BPHL: variants seen among roughly 807,000 people sequenced by gnomAD.
BPHL encodes biphenyl hydrolase like, also known as serine hydrolase BPHL.
BPHL carries 27 observed loss-of-function variants against 31.2 expected under a neutral mutation model. The ratio of observed to expected loss-of-function variants is 0.87; its 90% CI spans 0.64 to 1.19. BPHL has a LOEUF of 1.19. Among genes scored for constraint, BPHL ranks in the 50% most tolerant of loss-of-function variants. BPHL has a pLI of 0.00. For missense variants in BPHL, 356 were observed against 375.7 expected (o/e 0.95, Z 0.43); for synonymous variants, 150 against 146.8 (o/e 1.02, Z -0.16).
At chr6:3,146,306 GT>G (rs1257845923) in intron 6 of BPHL, among the ~76,000 whole-genome samples, 933 of 61,336 alleles carry the variant, frequency 0.015, 85 homozygotes, top group African/African-American at 0.029. Flanking sequence ...GCTGGTTCGG[GT>G]TGGAGTGCTG....
At position 3,153,520 on chromosome 6, in the gene BPHL, C is replaced by A; in HGVS notation, c.*945C>A. ...AGGACAGGAATGTTATTAATTAAAA[C>A]ACTAAAGCAGAAATCCTACATTGCT... On this transcript the variant is annotated 3_prime_UTR_variant, in exon 7 of 7. Coordinates refer to ENST00000380379, the MANE Select transcript of BPHL (RefSeq NM_004332.4). The A allele has an allele frequency of 2.5e-6, 1 of 403,238 alleles. No individual in the cohort carries two copies. The highest frequency in any genetic ancestry group is 4.5e-6 in the Non-Finnish European group (1 of 221,946). 25.0% of individuals were successfully genotyped at this position (403,238 alleles called of 1,614,324 possible).
intron 4 of BPHL, among the ~76,000 whole-genome samples, chr6:3,133,745 C>T (rs1008209655): frequency 7.2e-5 from 11 of 152,232 alleles, no homozygotes; most frequent in Admixed American, 3.3e-4. Flanking sequence ...GTGTCCACTG[C>T]CCGTGTGAGC....
chr6:3,144,877 G>A (rs1762283058), intron 6 of BPHL, among the ~76,000 whole-genome samples: 2 of 152,230 alleles, frequency 1.3e-5, no homozygotes, highest in African/African-American at 4.8e-5. Flanking sequence ...GGTCACCAGT[G>A]CAGGACCAGC....
At chr6:3,118,963 G>T (rs1318320345) in intron 1 of BPHL, 116 bp downstream of exon 1, 2 of 885,598 alleles carry the variant, frequency 2.3e-6, no homozygotes, top group Admixed American at 4.3e-5. Context: ...GCGTGGGCGC[G>T]GCCTGGCTGC....
intron 5 of BPHL, among the ~76,000 whole-genome samples, chr6:3,137,757 C>T (rs1762053236): frequency 6.6e-6 from 1 of 152,114 alleles, no homozygotes; most frequent in South Asian, 2.1e-4. Context: ...TCCTTCTAAT[C>T]CTTGGTGTGT....
intron 4 of BPHL, among the ~76,000 whole-genome samples, chr6:3,136,195 A>T (rs1176447462): frequency 3.3e-5 from 5 of 152,206 alleles, no homozygotes; most frequent in Admixed American, 1.3e-4. Context: ...TACGGCCAAA[A>T]GTAGAAGCAT....
In BPHL at chr6:3,127,354, T is replaced by C; in HGVS notation, c.324T>C (p.Asp108=). The change falls in exon 3 of 7, where the codon GAT becomes GAC. Residue 108 remains aspartate (D), a synonymous_variant. Coordinates refer to ENST00000380379, the MANE Select transcript of BPHL (RefSeq NM_004332.4). ...GYGHSRPPDR[D]FPADFFERDA... Reference sequence around the variant, plus strand: ...GACATTCCAGGCCCCCAGATCGCGATTTCCCAGCAGACTTTTTTGAAAGGG... The same window carrying C: ...GACATTCCAGGCCCCCAGATCGCGACTTCCCAGCAGACTTTTTTGAAAGGG... 1 of 1,608,414 alleles carries C rather than the reference T, an allele frequency of 6.2e-7. No individual in the cohort carries two copies. The highest frequency in any genetic ancestry group is 8.5e-7 in the Non-Finnish European group (1 of 1,176,382).
chr6:3,136,187 C>T (rs1202486315), intron 4 of BPHL, among the ~76,000 whole-genome samples: 4 of 152,210 alleles, frequency 2.6e-5, no homozygotes, highest in Non-Finnish European at 4.4e-5. Flanking sequence ...GTCTGCCATA[C>T]GGCCAAAAGT....
At chr6:3,126,165 T>G (rs1409448006) in intron 2 of BPHL, among the ~76,000 whole-genome samples, 1 of 152,244 alleles carries the variant, frequency 6.6e-6, no homozygotes, top group African/African-American at 2.4e-5. Flanking sequence ...CCCTTCTGCA[T>G]TTCAGTGTTT....
rs1319486722 is a variant in BPHL at position 3,141,042 on chromosome 6, T to A, written c.788+533T>A. Among the ~76,000 whole-genome samples the A allele has an allele frequency of 2.6e-5, 4 of 152,250 alleles. No homozygotes were observed. The East Asian group carries it at 7.7e-4, about 29-fold the overall frequency. ...CAGCTCCACTGCTCCCTTCTCGCTC[T>A]GTTCTATGATGTATTTAACAACAGA... On this transcript the variant is annotated intron_variant, in intron 6 of 6. Transcript: ENST00000380379.
At chr6:3,142,528 A>G (rs1187439967) in intron 6 of BPHL, among the ~76,000 whole-genome samples, 1 of 152,238 alleles carries the variant, frequency 6.6e-6, no homozygotes. Flanking sequence ...TATTTTATAT[A>G]TAGTATCTAG....
At chr6:3,118,881 G>A in intron 1 of BPHL, 34 bp downstream of exon 1, 1 of 1,230,198 alleles carries the variant, frequency 8.1e-7, no homozygotes, top group Non-Finnish European at 1.0e-6. Flanking sequence ...GGGATCCCCA[G>A]CATCGGCGCG....
At chr6:3,127,669 C>T (rs1158205963) in intron 3 of BPHL, among the ~76,000 whole-genome samples, 3 of 151,816 alleles carry the variant, frequency 2.0e-5, no homozygotes, top group African/African-American at 4.9e-5. Flanking sequence ...TTGATGGCAT[C>T]GTGCTACACC....
chr6:3,151,756 G>C (rs1284649208), intron 6 of BPHL, among the ~76,000 whole-genome samples: 1 of 152,220 alleles, frequency 6.6e-6, no homozygotes, highest in Non-Finnish European at 1.5e-5. Flanking sequence ...AGAGAAGGCT[G>C]CATTTGTTCA....
chr6:3,132,514 G>A (rs60860050), intron 4 of BPHL, among the ~76,000 whole-genome samples: 13,372 of 152,006 alleles, frequency 0.088, 1,896 homozygotes, highest in African/African-American at 0.3. Context: ...AACCCCACAT[G>A]TTCGACTGTT....
intron 4 of BPHL, among the ~76,000 whole-genome samples, chr6:3,130,550 G>T (rs17136188): frequency 0.051 from 7,687 of 152,184 alleles, 440 homozygotes; most frequent in African/African-American, 0.13. Context: ...CCAAGTGTGA[G>T]TCTAGTGGAT....
chr6:3,138,251 C>T, intron 5 of BPHL: 1 of 262,318 alleles, frequency 3.8e-6, no homozygotes, highest in South Asian at 3.3e-5. Context: ...ATCTCCTGAC[C>T]TCGTGATCCG....
rs139076747 is a variant in BPHL, at chr6:3,125,508, TG to T, written c.212-1733del. On this transcript the variant is annotated intron_variant, in intron 2 of 6. Transcript: ENST00000380379. ...TAACTATGTACATGTATTCCTTAAA[TG>T]TTTTTTTAAGTTTTATATTCTTGGC... 8.5e-3 allele frequency among the ~76,000 whole-genome samples: 1,299 copies of T among 152,344 alleles called. 10 individuals are homozygous for T. Among genetic ancestry groups the T allele is most frequent in the African/African-American group, 0.029 (1,203 of 41,566 alleles).
rs1304185001 is a variant in BPHL, at chr6:3,140,191, CAGAG to C, written c.665-191_665-188del. 4.1e-5 allele frequency: 26 copies of C among 627,294 alleles called. No individual in the cohort carries two copies. The highest frequency in any genetic ancestry group is 3.9e-4 in the East Asian group (13 of 33,052). The allele number at this position is 627,294 out of a possible 1,614,324, so 38.9% of individuals were successfully genotyped here. A position where few individuals can be genotyped will look rare whatever the true frequency, so the allele number is the denominator to read the frequency against. On this transcript the variant is annotated intron_variant, in intron 5 of 6. Transcript: ENST00000380379. The surrounding 1 kb of genome is among the most constrained non-coding windows in gnomAD (Gnocchi z 5.2). ...CAGAAACAGGCAAACAAACAAGAAACAGAGAGAAACAGAAAAGGGAACCCAAAGA... is the reference window on the plus strand; with the variant it reads ...CAGAAACAGGCAAACAAACAAGAAACAGAAACAGAAAAGGGAACCCAAAGA...
Sources: allele counts gnomAD v4.1 joint callset (sites outside exome capture counted in the v4.1 genomes callset), GRCh38; gene constraint gnomAD v4.1.1; non-coding constraint Gnocchi (gnomAD v3.1); transcripts MANE v1.5; gene names NCBI Gene and HGNC (gene_info 2026-07-23, HGNC 2026-07-21).